Variants in SPDYE1 observed in about 807,000 individuals in gnomAD.
SPDYE1 encodes speedy/RINGO cell cycle regulator family member E1.
SPDYE1 carries 29 observed loss-of-function variants against 45.9 expected under a neutral mutation model. The ratio of observed to expected loss-of-function variants is 0.63; its 90% CI spans 0.47 to 0.86. SPDYE1 has a LOEUF of 0.86. Ranked by LOEUF, SPDYE1 falls within the 40% of genes least tolerant of loss-of-function variation. The pLI is 0.00. For missense variants in SPDYE1, 346 were observed against 481.4 expected (o/e 0.72, Z 2.63); for synonymous variants, 134 against 176.8 (o/e 0.76, Z 1.92).
Position 44,008,883 on chromosome 7 carries a change from A to G in SPDYE1, c.*262A>G, listed in dbSNP as rs2096075458. 1.9e-6 allele frequency: 1 copy of G among 534,268 alleles called. No individual in the cohort carries two copies. Among genetic ancestry groups the G allele is most frequent in the Non-Finnish European group, 3.6e-6 (1 of 275,632 alleles). The allele number at this position is 534,268 out of a possible 1,614,324, so 33.1% of individuals were successfully genotyped here. ...CTTCTAGGAGTCCTTGGAGAAAAGT[A>G]AGAAACCAGGAGTGTTTCCAGTTCC... On this transcript the variant is annotated 3_prime_UTR_variant, in exon 9 of 9. Coordinates refer to ENST00000693451, the MANE Select transcript of SPDYE1 (RefSeq NM_001378423.2).
Position 43,999,646 on chromosome 7 carries a change from G to A in SPDYE1, c.-304G>A, listed in dbSNP as rs1392481857. Among the ~76,000 whole-genome samples the A allele has an allele frequency of 1.4e-5, 2 of 147,476 alleles. No homozygotes were observed. The highest frequency in any genetic ancestry group is 4.0e-4 in the East Asian group (2 of 5,060). ...AACAGAGGGATGTGGAGTCCCTGAA[G>A]ATGCTTTTGGACAATGGTCTGAGGT... On this transcript the variant is annotated 5_prime_UTR_variant, in exon 2 of 9. Transcript: ENST00000693451.
At position 44,007,592 on chromosome 7, in the gene SPDYE1, T is replaced by C. The variant is rs778496800; in HGVS notation, c.1071+6T>C. On this transcript the variant is annotated splice_donor_region_variant and intron_variant, in intron 7 of 8. Transcript: ENST00000693451. The stretch of plus-strand genomic sequence containing the variant: ...CCCCAGAGGAGTTGGAGGAGGTGAG[T>C]GGGGCCTGGGGAGGTGGAGGAGGTG... The C allele has an allele frequency of 6.2e-6, 10 of 1,607,388 alleles. No individual in the cohort carries two copies. In the African/African-American group the frequency reaches 1.1e-4, roughly 18 times the overall value.
intron 8 of SPDYE1, 78 bp downstream of exon 8, chr7:44,007,891 CGGCTTCAAGCCTGGGCAACGT>C: frequency 1.3e-6 from 2 of 1,554,864 alleles, no homozygotes; most frequent in Non-Finnish European, 1.7e-6. Flanking sequence ...TTGCTTGATC[CGGCTTCAAGCCTGGGCAACGT>C]GGCGAGATCC....
intron 6 of SPDYE1, 140 bp from the exon 7 acceptor site, chr7:44,007,128 G>A: frequency 6.4e-7 from 1 of 1,560,848 alleles, no homozygotes; most frequent in Non-Finnish European, 8.7e-7. Context: ...GAGCCCTCCT[G>A]AGGAAGGCAT....
Position 44,007,549 on chromosome 7 carries a change from G to A in SPDYE1, c.1034G>A (p.Ser345Asn). Reference protein sequence around the residue: ...KRRFHFFCSMSCRAWVSPEEL... With the variant: ...KRRFHFFCSMNCRAWVSPEEL... ...CGGTTCCACTTCTTCTGTTCCATGA[G>A]CTGCAGGGCTTGGGTTTCCCCAGAG... The change falls in exon 7 of 9, where the codon AGC (serine) becomes AAC (asparagine). Residue 345 changes from serine (S) to asparagine (N), a missense_variant. Physicochemically the swap from Ser to Asn is conservative, Grantham distance 46. Transcript: ENST00000693451. The A allele has an allele frequency of 1.9e-6, 3 of 1,613,520 alleles. No homozygotes were observed. The South Asian group carries it at 3.3e-5, about 18-fold the overall frequency.
chr7:44,007,376 G>A lies in SPDYE1; in HGVS notation c.861G>A (p.Arg287=), dbSNP rs1461827927. 6.2e-7 allele frequency: 1 copy of A among 1,613,090 alleles called. No homozygotes were observed. Among genetic ancestry groups the A allele is most frequent in the East Asian group, 2.2e-5 (1 of 44,890 alleles). ...GCATACCCTTGCTCCGTAAGCGTCG[G>A]TTCCAGTTATACCGTTCCATGAACC... ...RSRIPLLRKR[R]FQLYRSMNPR... is the part of the protein sequence containing the mutation. Residue 287 remains arginine (R), a synonymous_variant, in exon 7 of 9, where the codon CGG becomes CGA. Coordinates refer to ENST00000693451, the MANE Select transcript of SPDYE1 (RefSeq NM_001378423.2).
At chr7:44,005,271 G>T in intron 6 of SPDYE1, 44 bp downstream of exon 6, 2 of 1,597,396 alleles carry the variant, frequency 1.3e-6, no homozygotes, top group Non-Finnish European at 1.7e-6. Flanking sequence ...CCAATGCCCT[G>T]GGACAGCGGG....
intron 3 of SPDYE1, 51 bp downstream of exon 3, chr7:44,001,335 G>A (rs2096062763): frequency 3.8e-6 from 6 of 1,591,736 alleles, no homozygotes; most frequent in African/African-American, 2.7e-5. Context: ...TCTAAAAAGA[G>A]GAAACTTCCA....
At chr7:44,003,546 T>C (rs1205983135) in intron 4 of SPDYE1, among the ~76,000 whole-genome samples, 1 of 152,108 alleles carries the variant, frequency 6.6e-6, no homozygotes, top group Non-Finnish European at 1.5e-5. Flanking sequence ...GAGGAAATGA[T>C]GGGAATTCCT....
chr7:44,007,513 T>A lies in SPDYE1; in HGVS notation c.998T>A (p.Phe333Tyr). 1 of 1,613,888 alleles carries A rather than the reference T, an allele frequency of 6.2e-7. No homozygotes were observed. The highest frequency in any genetic ancestry group is 2.2e-5 in the East Asian group (1 of 44,880). ...AAGAACCGCTCTCAGATAGTCCTGT[T>A]CCAGAAACGTCGGTTCCACTTCTTC... is the stretch of plus-strand genomic sequence containing the variant. Reference protein sequence around the residue: ...ARKNRSQIVLFQKRRFHFFCS... With the variant: ...ARKNRSQIVLYQKRRFHFFCS... Residue 333 changes from phenylalanine (F) to tyrosine (Y), a missense_variant, in exon 7 of 9, where the codon TTC becomes TAC. Physicochemically the swap from Phe to Tyr is conservative, Grantham distance 22 (BLOSUM62 3). Transcript: ENST00000693451.
At chr7:44,008,155 G>A (rs1209485878) in intron 8 of SPDYE1, among the ~76,000 whole-genome samples, 3 of 152,252 alleles carry the variant, frequency 2.0e-5, no homozygotes, top group Non-Finnish European at 2.9e-5. Flanking sequence ...TTGAGTTACC[G>A]ATTTGGGTCG....
At chr7:44,006,963 C>A (rs1394050024) in intron 6 of SPDYE1, among the ~76,000 whole-genome samples, 1 of 152,194 alleles carries the variant, frequency 6.6e-6, no homozygotes, top group Admixed American at 6.5e-5. Context: ...GTTGCCCAGG[C>A]TCGTCTCAAA....
chr7:44,004,005 C>T, intron 5 of SPDYE1, 94 bp downstream of exon 5: 1 of 860,580 alleles, frequency 1.2e-6, no homozygotes. Flanking sequence ...CCACCACCTC[C>T]CACCAGATGC....
At chr7:44,002,898 G>A in intron 4 of SPDYE1, 81 bp downstream of exon 4, 1 of 862,932 alleles carries the variant, frequency 1.2e-6, no homozygotes, top group Non-Finnish European at 1.7e-6. Context: ...CTTTTCCAAT[G>A]GGAAAAATAG....
At chr7:44,002,000 G>T (rs2096063970) in intron 3 of SPDYE1, among the ~76,000 whole-genome samples, 1 of 151,104 alleles carries the variant, frequency 6.6e-6, no homozygotes, top group Non-Finnish European at 1.5e-5. Context: ...ACGTGAGGAG[G>T]GTGTGTGGGA....
Position 44,009,862 on chromosome 7 carries a change from ATACT to A in SPDYE1, c.*1244_*1247del, listed in dbSNP as rs1189373424. 21 of 151,904 alleles carry A rather than the reference ATACT, an allele frequency of 1.4e-4. No homozygotes were observed. Among genetic ancestry groups the A allele is most frequent in the Admixed American group, 1.1e-3 (17 of 15,254 alleles). 9.4% of individuals were successfully genotyped at this position (151,904 alleles called of 1,614,324 possible). A position where few individuals can be genotyped will look rare whatever the true frequency, so the allele number is the denominator to read the frequency against. On this transcript the variant is annotated 3_prime_UTR_variant, in exon 9 of 9. Transcript: ENST00000693451. ...GAAGGGAGCATGGTTTTTATCTATGATACTTAGTTAACATATATATTACATTTAT... is the reference window on the plus strand; with the variant it reads ...GAAGGGAGCATGGTTTTTATCTATGATAGTTAACATATATATTACATTTAT...
chr7:44,003,988 TCTCC>T, intron 5 of SPDYE1, 77 bp downstream of exon 5: 1 of 766,798 alleles, frequency 1.3e-6, no homozygotes, highest in African/African-American at 1.7e-5. Context: ...AACCCACAGT[TCTCC>T]CTCCACCACC....
rs769816368 is a variant in SPDYE1, at chr7:44,005,184, T to A, written c.709T>A (p.Phe237Ile). The change falls in exon 6 of 9, where the codon TTC (phenylalanine) becomes ATC (isoleucine). Residue 237 changes from phenylalanine to isoleucine, a missense_variant. Phe to Ile is a conservative substitution (Grantham distance 21, BLOSUM62 0). Transcript: ENST00000693451. ...CATAGCGTATTTCAGCCGAGCCGGC[T>A]TCCCCTCCTGGCAATACCAACGCCT... ...MVIAYFSRAG[F>I]PSWQYQRLHF... 4.3e-6 allele frequency: 7 copies of A among 1,612,028 alleles called. No individual in the cohort carries two copies. In the East Asian group the frequency reaches 1.6e-4, roughly 36 times the overall value.
chr7:44,007,938 ACAAAAATT>A, intron 8 of SPDYE1, 125 bp downstream of exon 8: 1 of 1,509,242 alleles, frequency 6.6e-7, no homozygotes, highest in Non-Finnish European at 8.9e-7. Context: ...CCACAAAAAT[ACAAAAATT>A]AGCCAGGCAA....
Sources: allele counts gnomAD v4.1 joint callset (sites outside exome capture counted in the v4.1 genomes callset), GRCh38; gene constraint gnomAD v4.1.1; transcripts MANE v1.5; gene names NCBI Gene and HGNC (gene_info 2026-07-23, HGNC 2026-07-21).